The following CCDC138 variants were observed in gnomAD, a reference collection of about 807,000 sequenced individuals.
CCDC138 encodes the protein coiled-coil domain-containing protein 138.
In CCDC138, 66 loss-of-function variants were observed where a neutral mutation model predicts 82.3. The ratio of observed to expected loss-of-function variants is 0.80; its 90% CI spans 0.66 to 0.98. The LOEUF is 0.98. Ranked by LOEUF, CCDC138 falls within the 50% of genes least tolerant of loss-of-function variation. The pLI, the probability that CCDC138 is intolerant of heterozygous loss-of-function variation, is 0.00. For synonymous variants in CCDC138, 297 were observed against 265.4 expected (o/e 1.12, Z -1.16); for missense variants, 816 against 758.9 (o/e 1.08, Z -0.88).
chr2:108,847,812 G>C (rs1690740818), intron 12 of CCDC138, among the ~76,000 whole-genome samples: 1 of 152,046 alleles, frequency 6.6e-6, no homozygotes, highest in African/African-American at 2.4e-5. Context: ...ACTCCCGATG[G>C]TATGGAATTG....
At chr2:108,853,613 A>G (rs1466674228) in intron 12 of CCDC138, among the ~76,000 whole-genome samples, 3 of 149,964 alleles carry the variant, frequency 2.0e-5, no homozygotes, top group Non-Finnish European at 4.4e-5. Context: ...CACAACCTTG[A>G]ACTCCTGGGC....
intron 10 of CCDC138, among the ~76,000 whole-genome samples, chr2:108,817,527 G>A (rs575726318): frequency 1.1e-4 from 17 of 152,114 alleles, no homozygotes; most frequent in Middle Eastern, 3.4e-3. Context: ...TCTCGACCTC[G>A]TGATCCACCT....
intron 7 of CCDC138, among the ~76,000 whole-genome samples, chr2:108,811,245 C>CTTTTTTTTTTTTTTTTTT (rs144518921): frequency 2.6e-4 from 29 of 109,594 alleles, no homozygotes; most frequent in African/African-American, 1.2e-3. Flanking sequence ...CTTTCTCTCT[C>CTTTTTTTTTTTTTTTTTT]TCTTTTTTTT....
At chr2:108,793,018 T>C (rs543344065) in intron 4 of CCDC138, among the ~76,000 whole-genome samples, 2 of 147,462 alleles carry the variant, frequency 1.4e-5, no homozygotes, top group African/African-American at 5.3e-5. Context: ...GAGCTGAGAC[T>C]GTGCCACTGC....
At chr2:108,847,011 A>G (rs1396999960) in intron 12 of CCDC138, 81 bp downstream of exon 12, 2 of 789,848 alleles carry the variant, frequency 2.5e-6, no homozygotes, top group African/African-American at 1.8e-5. Flanking sequence ...TTTATCAAAT[A>G]TGTTGTACAT....
chr2:108,856,747 A>G, intron 12 of CCDC138, 47 bp from the exon 13 acceptor site: 1 of 1,578,312 alleles, frequency 6.3e-7, no homozygotes, highest in African/African-American at 1.4e-5. Context: ...TCTGATTGAC[A>G]CCTAGACTAG....
At chr2:108,826,260 T>C (rs1686575769) in intron 10 of CCDC138, among the ~76,000 whole-genome samples, 1 of 152,200 alleles carries the variant, frequency 6.6e-6, no homozygotes, top group Non-Finnish European at 1.5e-5. Context: ...TTTTAAATTT[T>C]TATAAAGTCC....
chr2:108,791,491 G>C (rs1023625935), intron 3 of CCDC138, 184 bp from the exon 4 acceptor site: 2 of 645,826 alleles, frequency 3.1e-6, no homozygotes, highest in African/African-American at 3.6e-5. Flanking sequence ...CTTGTAGTGG[G>C]TTATCAATGA....
chr2:108,789,624 C>G (rs751879082), intron 3 of CCDC138, among the ~76,000 whole-genome samples: 1 of 152,062 alleles, frequency 6.6e-6, no homozygotes, highest in Non-Finnish European at 1.5e-5. Context: ...AAAAAAACTG[C>G]CATACAGGTT....
rs1684126542 is a variant in CCDC138, at chr2:108,812,932, G to T, written c.1041+5G>T. Reference sequence around the variant, plus strand: ...CCAGTTTCAAAAACTTACAAGGTAAGTTTGAATTATGATTTGATATGATTG... The same window carrying T: ...CCAGTTTCAAAAACTTACAAGGTAATTTTGAATTATGATTTGATATGATTG... On this transcript the variant is annotated splice_donor_5th_base_variant and intron_variant, in intron 9 of 14. Coordinates refer to ENST00000295124, the MANE Select transcript of CCDC138 (RefSeq NM_144978.3). 1 of 1,612,630 alleles carries T rather than the reference G, an allele frequency of 6.2e-7. No individual in the cohort carries two copies. The highest frequency in any genetic ancestry group is 1.7e-5 in the Admixed American group (1 of 59,884).
downstream of CCDC138, among the ~76,000 whole-genome samples, chr2:108,877,925 T>C (rs994846452): frequency 6.6e-6 from 1 of 152,208 alleles, no homozygotes; most frequent in Non-Finnish European, 1.5e-5. Context: ...TATAGAATGC[T>C]GGAAGGTAAT....
chr2:108,881,217 C>T (rs1478059595), downstream of CCDC138, among the ~76,000 whole-genome samples: 2 of 152,204 alleles, frequency 1.3e-5, no homozygotes, highest in African/African-American at 4.8e-5. Context: ...AGCTTCTACA[C>T]CAGCACTTGT....
At chr2:108,871,052 G>A (rs1051568094) in intron 13 of CCDC138, among the ~76,000 whole-genome samples, 1 of 152,000 alleles carries the variant, frequency 6.6e-6, no homozygotes, top group African/African-American at 2.4e-5. Context: ...TTTAGAAATA[G>A]CCGTCATTAA....
intron 13 of CCDC138, among the ~76,000 whole-genome samples, chr2:108,867,613 A>C (rs926404218): frequency 6.6e-6 from 1 of 152,194 alleles, no homozygotes; most frequent in Non-Finnish European, 1.5e-5. Context: ...TCCTCCTTCC[A>C]AAAAGGAATG....
intron 12 of CCDC138, among the ~76,000 whole-genome samples, chr2:108,849,817 C>A (rs1442823170): frequency 2.6e-5 from 4 of 152,202 alleles, no homozygotes; most frequent in African/African-American, 9.7e-5. Flanking sequence ...TCATCTACTA[C>A]CTGGGGCCAA....
chr2:108,812,311 ACTTTT>A (rs1221360629), intron 7 of CCDC138, among the ~76,000 whole-genome samples: 1 of 152,174 alleles, frequency 6.6e-6, no homozygotes, highest in Non-Finnish European at 1.5e-5. Flanking sequence ...AGGATTTTAT[ACTTTT>A]CTTTATATGT....
rs1199945956 is a variant in CCDC138 at position 108,873,512 on chromosome 2, G to T, written c.1755G>T (p.Val585=). The T allele has an allele frequency of 1.2e-6, 2 of 1,612,470 alleles. No homozygotes were observed. The highest frequency in any genetic ancestry group is 1.1e-5 in the South Asian group (1 of 90,656). The stretch of plus-strand genomic sequence containing the variant: ...CTTTATTTTTTCGTACTTGCTCTGT[G>T]CTGCTTCGAGCCCCTAAGCTTGATC... The part of the protein sequence containing the change: ...SNSLFFRTCS[V]LLRAPKLDLQ... The change falls in exon 14 of 15, where the codon GTG becomes GTT. Residue 585 remains valine (V), a synonymous_variant. Coordinates refer to ENST00000295124, the MANE Select transcript of CCDC138 (RefSeq NM_144978.3).
chr2:108,800,700 A>T (rs1415403544), intron 6 of CCDC138, among the ~76,000 whole-genome samples: 2 of 108,488 alleles, frequency 1.8e-5, no homozygotes, highest in Non-Finnish European at 3.5e-5. Context: ...ACATGTATAC[A>T]TGTGCCATGC....
At chr2:108,794,254 T>G (rs1274827291) in intron 4 of CCDC138, among the ~76,000 whole-genome samples, 1 of 152,156 alleles carries the variant, frequency 6.6e-6, no homozygotes, top group Non-Finnish European at 1.5e-5. Context: ...TTGCTTTCCA[T>G]TTCTTGGCAA....
Sources: gnomAD v4.1 joint callset for allele counts (sites outside exome capture counted in the v4.1 genomes callset) on GRCh38, gnomAD v4.1.1 for gene constraint, MANE v1.5 for transcripts, NCBI Gene and HGNC (gene_info 2026-07-23, HGNC 2026-07-21) for gene names.